The following CPED1 variants were observed in gnomAD, a reference collection of about 807,000 sequenced individuals.
The protein encoded by CPED1 is cadherin like and PC-esterase domain containing 1.
CPED1 carries 114 observed loss-of-function variants against 128.2 expected under a neutral mutation model. The ratio of observed to expected loss-of-function variants is 0.89; its 90% confidence interval spans 0.76 to 1.04. The LOEUF is 1.04. Among genes scored for constraint, CPED1 ranks in the 50% least tolerant of loss-of-function variants. CPED1 has a pLI of 0.00. For synonymous variants in CPED1, 462 were observed against 426.7 expected (o/e 1.08, Z -1.02); for missense variants, 1,211 against 1,207.1 (o/e 1.00, Z -0.05).
At chr7:121,223,816 ATT>A (rs1438365878) in intron 16 of CPED1, among the ~76,000 whole-genome samples, 32 of 151,404 alleles carry the variant, frequency 2.1e-4, no homozygotes, top group African/African-American at 7.8e-4. Context: ...CCCCTTTATC[ATT>A]TTTTATTGTG....
intron 16 of CPED1, among the ~76,000 whole-genome samples, chr7:121,190,391 CAAAAAAA>C (rs368606501): frequency 2.0e-4 from 19 of 97,392 alleles, no homozygotes; most frequent in Admixed American, 1.6e-3. Context: ...GACTCTGTAT[CAAAAAAA>C]AAAAAAAAAA....
At chr7:121,107,394 A>T (rs1795004494) in intron 7 of CPED1, among the ~76,000 whole-genome samples, 1 of 152,134 alleles carries the variant, frequency 6.6e-6, no homozygotes, top group South Asian at 2.1e-4. Context: ...CTACTTGCCT[A>T]AATCTTTTTG....
intron 21 of CPED1, among the ~76,000 whole-genome samples, 173 bp downstream of exon 21, chr7:121,267,475 A>G (rs118079731): frequency 3.0e-4 from 46 of 152,194 alleles, no homozygotes; most frequent in African/African-American, 5.3e-4. Flanking sequence ...TTTAAAGGCT[A>G]TATTAAAAGG....
intron 16 of CPED1, among the ~76,000 whole-genome samples, chr7:121,201,090 C>T (rs1207107494): frequency 1.3e-5 from 2 of 152,008 alleles, no homozygotes; most frequent in Non-Finnish European, 2.9e-5. Flanking sequence ...TTGAGAAAAT[C>T]GGATCTGAGA....
Position 121,196,003 on chromosome 7 carries a change from C to T in CPED1, c.2056-40711C>T, listed in dbSNP as rs145911845. 4.7e-3 allele frequency among the ~76,000 whole-genome samples: 709 copies of T among 152,054 alleles called. 4 individuals carry two copies. Among genetic ancestry groups the T allele is most frequent in the Middle Eastern group, 0.02 (6 of 294 alleles). Reference sequence around the variant, plus strand: ...CTTAGGTTGCCGCTTTCCTAGAAGGCCGGGGGGAGATGGTGTTTAGTGGGT... The same window carrying T: ...CTTAGGTTGCCGCTTTCCTAGAAGGTCGGGGGGAGATGGTGTTTAGTGGGT... On this transcript the variant is annotated intron_variant, in intron 16 of 22. Coordinates refer to ENST00000310396, the MANE Select transcript of CPED1 (RefSeq NM_024913.5).
chr7:121,283,198 T>A (rs1288002422), intron 22 of CPED1, among the ~76,000 whole-genome samples: 2 of 152,234 alleles, frequency 1.3e-5, no homozygotes, highest in Admixed American at 6.5e-5. Context: ...TTATGGTCAC[T>A]GGATTTATGT....
chr7:121,072,160 A>G (rs1444679201), intron 5 of CPED1, among the ~76,000 whole-genome samples: 4 of 145,094 alleles, frequency 2.8e-5, no homozygotes, highest in Non-Finnish European at 6.0e-5. Context: ...AACCAATTCT[A>G]CATTCTGATT....
intron 4 of CPED1, among the ~76,000 whole-genome samples, chr7:121,063,493 T>A (rs1486052730): frequency 2.0e-5 from 3 of 151,898 alleles, no homozygotes; most frequent in South Asian, 4.2e-4. Flanking sequence ...GTTATTTCTA[T>A]CAAGTCATGC....
At chr7:121,034,433 A>G (rs1295228681) in intron 3 of CPED1, among the ~76,000 whole-genome samples, 1 of 151,764 alleles carries the variant, frequency 6.6e-6, no homozygotes, top group African/African-American at 2.4e-5. Flanking sequence ...TTTTTAGTAG[A>G]GATGTAGTCT....
rs1234293228 is a variant in CPED1 at position 121,252,195 on chromosome 7, C to G, written c.2310+7857C>G. Among the ~76,000 whole-genome samples the G allele has an allele frequency of 4.2e-4, 63 of 151,230 alleles. 1 individual carries two copies. In the Middle Eastern group the frequency reaches 0.014, roughly 33 times the overall value. On this transcript the variant is annotated intron_variant, in intron 18 of 22. Transcript: ENST00000310396. ...ACTATCTGATCTTTGACAAACCTGA[C>G]AAAAACAAGCAATGGGGAAAGGATT...
chr7:121,289,512 C>T (rs994302784), intron 22 of CPED1, among the ~76,000 whole-genome samples: 1 of 152,108 alleles, frequency 6.6e-6, no homozygotes, highest in Non-Finnish European at 1.5e-5. Flanking sequence ...ATGGTTCAAG[C>T]TCATTTGCAA....
intron 16 of CPED1, among the ~76,000 whole-genome samples, chr7:121,203,532 C>T (rs1052129314): frequency 6.6e-6 from 1 of 152,058 alleles, no homozygotes; most frequent in African/African-American, 2.4e-5. Flanking sequence ...TCTCAAAGGC[C>T]ACAGTGGCTC....
intron 5 of CPED1, among the ~76,000 whole-genome samples, chr7:121,094,008 A>G (rs750936105): frequency 1.3e-5 from 2 of 152,036 alleles, no homozygotes; most frequent in Non-Finnish European, 2.9e-5. Context: ...TGCATATATT[A>G]GTTTCTATTT....
intron 16 of CPED1, among the ~76,000 whole-genome samples, chr7:121,190,391 CAAAAAAAAAAAAAA>C (rs368606501): frequency 2.1e-5 from 2 of 97,392 alleles, no homozygotes; most frequent in African/African-American, 8.5e-5. Flanking sequence ...GACTCTGTAT[CAAAAAAAAAAAAAA>C]AAAAAAGACT....
chr7:121,280,441 A>G (rs996191494), intron 22 of CPED1, among the ~76,000 whole-genome samples: 1 of 152,194 alleles, frequency 6.6e-6, no homozygotes, highest in African/African-American at 2.4e-5. Context: ...AGCGTTGTCC[A>G]AGGGCAGGAG....
chr7:121,099,315 T>A (rs1330580514), intron 6 of CPED1, among the ~76,000 whole-genome samples: 2 of 152,128 alleles, frequency 1.3e-5, no homozygotes, highest in East Asian at 3.8e-4. Context: ...ATTTATTTTT[T>A]AAATTCAACT....
intron 16 of CPED1, among the ~76,000 whole-genome samples, chr7:121,151,537 G>C (rs1348328468): frequency 6.6e-6 from 1 of 152,148 alleles, no homozygotes; most frequent in African/African-American, 2.4e-5. Flanking sequence ...TCAATGATCT[G>C]TATTAGCACA....
intron 3 of CPED1, among the ~76,000 whole-genome samples, chr7:121,034,369 T>C (rs1476579099): frequency 6.8e-6 from 1 of 148,124 alleles, no homozygotes; most frequent in African/African-American, 2.5e-5. Context: ...TGCTTCAGCC[T>C]CCAGAGTAGC....
rs571805094 is a variant in CPED1, at chr7:121,230,424, C to G, written c.2056-6290C>G. 2.6e-3 allele frequency among the ~76,000 whole-genome samples: 391 copies of G among 151,996 alleles called. 1 individual carries two copies. The highest frequency in any genetic ancestry group is 8.8e-3 in the African/African-American group (367 of 41,510). On this transcript the variant is annotated intron_variant, in intron 16 of 22. Coordinates refer to ENST00000310396, the MANE Select transcript of CPED1 (RefSeq NM_024913.5). ...AGCTGTTTGGTGAGTAACAGCAAAC[C>G]TGACTAATAGTAGCTTAAATAAATA...
Sources: gnomAD v4.1 joint callset for allele counts (sites outside exome capture counted in the v4.1 genomes callset) on GRCh38, gnomAD v4.1.1 for gene constraint, MANE v1.5 for transcripts, NCBI Gene and HGNC (gene_info 2026-07-23, HGNC 2026-07-21) for gene names.